SAMD5: variants seen among roughly 807,000 people sequenced by gnomAD.
The protein encoded by SAMD5 is sterile alpha motif domain-containing protein 5.
SAMD5 carries 13 observed loss-of-function variants against 11.3 expected under a neutral mutation model. The ratio of observed to expected loss-of-function variants is 1.15; its 90% CI spans 0.75 to 1.83. SAMD5 has a LOEUF of 1.83. Among genes scored for constraint, SAMD5 ranks in the 40% most tolerant of loss-of-function variants. SAMD5 has a pLI of 0.00. For synonymous variants in SAMD5, 129 were observed against 111.3 expected (o/e 1.16, Z -1.00); for missense variants, 255 against 239.1 (o/e 1.07, Z -0.44).
intron 1 of SAMD5, among the ~76,000 whole-genome samples, chr6:147,720,966 G>T: frequency 7.9e-6 from 1 of 127,002 alleles, no homozygotes; most frequent in East Asian, 2.4e-4. Context: ...TTTTGTTCTT[G>T]TGATAGTTTA....
chr6:147,714,137 A>G (rs1339489647), intron 1 of SAMD5, among the ~76,000 whole-genome samples: 1 of 152,302 alleles, frequency 6.6e-6, no homozygotes, highest in Non-Finnish European at 1.5e-5. Context: ...TGACGATACT[A>G]AATAGGCCCC....
At chr6:147,574,724 G>A (rs1043706175), downstream of SAMD5, among the ~76,000 whole-genome samples, 27 of 152,188 alleles carry the variant, frequency 1.8e-4, no homozygotes, top group African/African-American at 6.3e-4. Context: ...TCATCACATA[G>A]CAGAAGGCAG....
rs1439168952 is a variant in SAMD5, at chr6:147,711,833, A to G, written c.163-25484A>G. On this transcript the variant is annotated intron_variant, in intron 1 of 1. Coordinates refer to the SAMD5 transcript ENST00000566741. The surrounding 1 kb of genome is among the most constrained non-coding windows in gnomAD (Gnocchi z 4.1). Reference sequence around the variant, plus strand: ...TAGATACTCTGATGACATTAGTAACAGTGTCAAATGTCATGAATGGCTAAT... The same window carrying G: ...TAGATACTCTGATGACATTAGTAACGGTGTCAAATGTCATGAATGGCTAAT... 6.6e-6 allele frequency among the ~76,000 whole-genome samples: 1 copy of G among 152,238 alleles called. No individual in the cohort carries two copies. The highest frequency in any genetic ancestry group is 2.4e-5 in the African/African-American group (1 of 41,466).
At chr6:147,530,711 A>G (rs1404220061) in intron 1 of SAMD5, among the ~76,000 whole-genome samples, 2 of 152,232 alleles carry the variant, frequency 1.3e-5, no homozygotes, top group Admixed American at 6.5e-5. Context: ...ACTGAAAAGA[A>G]GAGAGCAAAG....
the SAMD5 span, among the ~76,000 whole-genome samples, chr6:147,906,392 A>G: frequency 6.6e-6 from 1 of 152,202 alleles, no homozygotes; most frequent in Non-Finnish European, 1.5e-5. Context: ...GGTTGGACTC[A>G]ATGGCCTCTG....
intron 1 of SAMD5, among the ~76,000 whole-genome samples, chr6:147,655,428 T>C (rs1374692212): frequency 6.6e-6 from 1 of 152,224 alleles, no homozygotes. Context: ...AAACAATATT[T>C]ATGCATGTAT....
chr6:147,587,785 T>C (rs531503432), intron 1 of SAMD5, among the ~76,000 whole-genome samples: 1 of 152,228 alleles, frequency 6.6e-6, no homozygotes, highest in African/African-American at 2.4e-5. Context: ...CTATTTGACG[T>C]AGTTTGTTCT....
intron 1 of SAMD5, among the ~76,000 whole-genome samples, chr6:147,550,580 G>C (rs1426390116): frequency 6.6e-6 from 1 of 152,158 alleles, no homozygotes; most frequent in African/African-American, 2.4e-5. Context: ...CCATATAAAA[G>C]AGTGAAATTA....
intron 1 of SAMD5, among the ~76,000 whole-genome samples, chr6:147,562,886 T>C (rs1385535735): frequency 6.6e-6 from 1 of 152,168 alleles, no homozygotes; most frequent in East Asian, 1.9e-4. Context: ...GTAACTTCCC[T>C]TCTCTATGGA....
At chr6:147,854,993 C>T in the SAMD5 span, among the ~76,000 whole-genome samples, 1 of 152,092 alleles carries the variant, frequency 6.6e-6, no homozygotes, top group South Asian at 2.1e-4. Context: ...TGATGCAGAT[C>T]ACAAGTATAG....
chr6:147,564,356 G>T, intron 1 of SAMD5, 38 bp from the exon 2 acceptor site: 1 of 778,844 alleles, frequency 1.3e-6, no homozygotes, highest in Non-Finnish European at 2.4e-6. Context: ...AATGGGTAAA[G>T]GAGAACTTCA....
the SAMD5 span, among the ~76,000 whole-genome samples, chr6:147,780,950 T>C: frequency 6.6e-6 from 1 of 152,214 alleles, no homozygotes; most frequent in African/African-American, 2.4e-5. Flanking sequence ...TGTAATGAAA[T>C]AATTCACATT....
chr6:147,770,913 A>C, the SAMD5 span, among the ~76,000 whole-genome samples: 2 of 152,210 alleles, frequency 1.3e-5, no homozygotes, highest in Non-Finnish European at 2.9e-5. Flanking sequence ...TAGTGAAACT[A>C]AGTTCATTCT....
chr6:147,785,154 C>A, the SAMD5 span, among the ~76,000 whole-genome samples: 1 of 152,154 alleles, frequency 6.6e-6, no homozygotes, highest in African/African-American at 2.4e-5. Flanking sequence ...AATCTTTAAG[C>A]TCCCCACATA....
At chr6:147,523,052 T>C (rs1326816315) in intron 1 of SAMD5, among the ~76,000 whole-genome samples, 1 of 152,120 alleles carries the variant, frequency 6.6e-6, no homozygotes, top group Admixed American at 6.6e-5. Flanking sequence ...TTCTTCATCC[T>C]CCACTCTTCT....
chr6:147,895,382 TGCA>T, the SAMD5 span, among the ~76,000 whole-genome samples: 4 of 152,230 alleles, frequency 2.6e-5, no homozygotes, highest in South Asian at 8.3e-4. Flanking sequence ...TTCTGTAGCT[TGCA>T]TCCTTATAAA....
chr6:147,856,235 C>A, the SAMD5 span, among the ~76,000 whole-genome samples: 7 of 152,062 alleles, frequency 4.6e-5, no homozygotes, highest in Non-Finnish European at 7.4e-5. Flanking sequence ...GCAAACTAGA[C>A]TTTAGTGAAA....
intron 1 of SAMD5, among the ~76,000 whole-genome samples, chr6:147,646,761 A>G (rs1158708294): frequency 6.6e-6 from 1 of 152,128 alleles, no homozygotes; most frequent in Non-Finnish European, 1.5e-5. Flanking sequence ...TACCATAGAA[A>G]ATAGTTGATC....
chr6:147,837,596 G>A, the SAMD5 span, among the ~76,000 whole-genome samples: 1 of 152,168 alleles, frequency 6.6e-6, no homozygotes, highest in Non-Finnish European at 1.5e-5. Context: ...TTCCACAATG[G>A]CGGCTGGCCT....
Sources: allele counts gnomAD v4.1 joint callset (sites outside exome capture counted in the v4.1 genomes callset), GRCh38; gene constraint gnomAD v4.1.1; non-coding constraint Gnocchi (gnomAD v3.1); transcripts MANE v1.5; gene names NCBI Gene and HGNC (gene_info 2026-07-23, HGNC 2026-07-21).